Variants in PTPRF observed in about 807,000 individuals in gnomAD.
The protein encoded by PTPRF is protein tyrosine phosphatase receptor type F, also known as receptor-type tyrosine-protein phosphatase F.
In PTPRF, 59 loss-of-function variants were observed where a neutral mutation model predicts 201.8. The ratio of observed to expected loss-of-function variants is 0.29; its 90% CI spans 0.24 to 0.36. The LOEUF (loss-of-function observed/expected upper bound fraction) is 0.36, where lower values mean the gene tolerates loss of function less well. PTPRF is among the 10% of genes least tolerant of loss of function. PTPRF has a pLI of 1.00. For missense variants in PTPRF, 2,132 were observed against 2,690.5 expected, an observed-to-expected ratio of 0.79 and a Z score of 4.59; for synonymous variants, 1,088 against 1,089.7, an observed-to-expected ratio of 1.00 and a Z score of 0.03.
chr1:43,620,730 G>A lies in PTPRF; in HGVS notation c.5365-108G>A, dbSNP rs1659020087. The stretch of plus-strand genomic sequence containing the variant: ...CACATCTCCCCCTGTGGCCTCGGGT[G>A]CAGTGACACAGATGCATGCCTGTAT... On this transcript the variant is annotated intron_variant, in intron 31 of 33. Coordinates refer to ENST00000359947, the MANE Select transcript of PTPRF (RefSeq NM_002840.5). 2.6e-6 allele frequency: 4 copies of A among 1,522,392 alleles called. No individual in the cohort carries two copies. The Admixed American group carries it at 5.5e-5, about 21-fold the overall frequency. The allele number at this position is 1,522,392 out of a possible 1,614,324, so 94.3% of individuals were successfully genotyped here.
chr1:43,619,826 C>T lies in PTPRF; in HGVS notation c.5079C>T (p.Asp1693=). 1 of 1,614,210 alleles carries T rather than the reference C, an allele frequency of 6.2e-7. No homozygotes were observed. Among genetic ancestry groups the T allele is most frequent in the Non-Finnish European group, 8.5e-7 (1 of 1,180,010 alleles). ...LQPIRGVEGS[D]YINASFLDGY... is the part of the protein sequence containing the mutation. The stretch of plus-strand genomic sequence containing the variant: ...CCATCCGTGGTGTGGAGGGCTCTGA[C>T]TACATCAATGCCAGCTTCCTGGATG... The change falls in exon 29 of 34, where the codon GAC becomes GAT. Residue 1693 remains aspartate (D), a synonymous_variant. Transcript: ENST00000359947.
At chr1:43,541,707 C>G (rs540334343) in intron 2 of PTPRF, among the ~76,000 whole-genome samples, 2,259 of 21,850 alleles carry the variant, frequency 0.1, 65 homozygotes, top group African/African-American at 0.27. Flanking sequence ...ACAGTTCTTC[C>G]CAAGAAAGGG....
At chr1:43,566,561 G>A (rs1048296742) in intron 5 of PTPRF, among the ~76,000 whole-genome samples, 1 of 152,220 alleles carries the variant, frequency 6.6e-6, no homozygotes, top group African/African-American at 2.4e-5. Flanking sequence ...GTGCCAGTCT[G>A]GCTGATAGAT....
rs371023769 is a variant in PTPRF at position 43,620,829 on chromosome 1, C to G, written c.5365-9C>G. ...AATTCTAATCATGTACCCCACCCAC[C>G]TTTCCCAGGATGGGCAGTCAAGGAC... On this transcript the variant is annotated splice_polypyrimidine_tract_variant and intron_variant, in intron 31 of 33. Transcript: ENST00000359947. 9 of 1,607,832 alleles carry G rather than the reference C, an allele frequency of 5.6e-6. No homozygotes were observed. Among genetic ancestry groups the G allele is most frequent in the Non-Finnish European group, 5.1e-6 (6 of 1,176,470 alleles).
At chr1:43,574,905 C>T (rs1481478598) in intron 6 of PTPRF, among the ~76,000 whole-genome samples, 4 of 152,234 alleles carry the variant, frequency 2.6e-5, no homozygotes, top group African/African-American at 9.6e-5. Context: ...CTGAATGTCT[C>T]TTGGCCTCTG....
chr1:43,602,054 C>T lies in PTPRF; in HGVS notation c.2314-17C>T, dbSNP rs746623088. The T allele has an allele frequency of 1.7e-5, 28 of 1,611,826 alleles. No homozygotes were observed. The highest frequency in any genetic ancestry group is 2.3e-5 in the Non-Finnish European group (27 of 1,177,848). On this transcript the variant is annotated splice_polypyrimidine_tract_variant and intron_variant, in intron 13 of 33. Coordinates refer to ENST00000359947, the MANE Select transcript of PTPRF (RefSeq NM_002840.5). Reference sequence around the variant, plus strand: ...TTCACCATCCTGTCTCCCTTTCTCTCCCTCTCCCGCGGTCAGTGGCGGCCA... The same window carrying T: ...TTCACCATCCTGTCTCCCTTTCTCTTCCTCTCCCGCGGTCAGTGGCGGCCA...
Position 43,605,177 on chromosome 1 carries a change from C to T in PTPRF, c.3136-13C>T. On this transcript the variant is annotated splice_polypyrimidine_tract_variant and intron_variant, in intron 17 of 33. Transcript: ENST00000359947. ...CACCCAAAGGCATTGATTGCCCCTCCCGTCCCCCACAGATTCTGTACAATG... is the reference window on the plus strand; with the variant it reads ...CACCCAAAGGCATTGATTGCCCCTCTCGTCCCCCACAGATTCTGTACAATG... The T allele has an allele frequency of 6.3e-7, 1 of 1,586,406 alleles. No individual in the cohort carries two copies. The highest frequency in any genetic ancestry group is 8.6e-7 in the Non-Finnish European group (1 of 1,160,644).
rs750934392 is a variant in PTPRF at position 43,598,733 on chromosome 1, T to A, written c.2133T>A (p.Pro711=). The change falls in exon 13 of 34, where the codon CCT becomes CCA. Residue 711 remains proline, a synonymous_variant. Transcript: ENST00000359947. ...CTGACCCCCCAGTGCCCAGCGGGCC[T>A]CCGCGGAAGGTGGAGGTGGAGCCAC... The part of the protein sequence containing the change: ...VRTDEDVPSG[P]PRKVEVEPLN... 1.1e-5 allele frequency: 18 copies of A among 1,613,286 alleles called. No individual in the cohort carries two copies. In the South Asian group the frequency reaches 1.9e-4, roughly 17 times the overall value.
chr1:43,533,768 C>A (rs1011172864), intron 1 of PTPRF, among the ~76,000 whole-genome samples: 1 of 152,180 alleles, frequency 6.6e-6, no homozygotes, highest in African/African-American at 2.4e-5. Flanking sequence ...AGGGCCCTAC[C>A]CTCGAGAAGC....
intron 5 of PTPRF, among the ~76,000 whole-genome samples, chr1:43,563,683 G>A (rs774279985): frequency 1.3e-5 from 2 of 152,204 alleles, no homozygotes; most frequent in Non-Finnish European, 2.9e-5. Flanking sequence ...AGTTAGTTCC[G>A]TGGAGCCATT....
At chr1:43,611,752 C>T (rs750374474) in intron 22 of PTPRF, among the ~76,000 whole-genome samples, 4 of 152,090 alleles carry the variant, frequency 2.6e-5, no homozygotes, top group African/African-American at 9.7e-5. Context: ...ACTTGGGAAA[C>T]GTGAAGGAGG....
intron 6 of PTPRF, among the ~76,000 whole-genome samples, chr1:43,571,397 C>A (rs1646559593): frequency 1.3e-5 from 2 of 152,216 alleles, no homozygotes. Flanking sequence ...TCACCTGCAA[C>A]TCTAGCTTTA....
chr1:43,573,348 T>C (rs1233756290), intron 6 of PTPRF, among the ~76,000 whole-genome samples: 7 of 152,184 alleles, frequency 4.6e-5, no homozygotes, highest in Non-Finnish European at 1.0e-4. Flanking sequence ...ACATATGAGC[T>C]GCCATCCTTT....
intron 6 of PTPRF, 123 bp downstream of exon 6, chr1:43,569,901 G>A: frequency 1.8e-6 from 2 of 1,117,722 alleles, no homozygotes; most frequent in South Asian, 1.9e-5. Context: ...GTACCTGGTG[G>A]GGTGGGCTGG....
chr1:43,545,254 A>G (rs1644588420), intron 3 of PTPRF, 88 bp downstream of exon 3: 6 of 1,365,476 alleles, frequency 4.4e-6, no homozygotes, highest in Middle Eastern at 3.7e-4. Context: ...CAGACCGGCT[A>G]CTAGGAGAGA....
intron 22 of PTPRF, 94 bp downstream of exon 22, chr1:43,609,592 G>C (rs368267400): frequency 1.2e-5 from 10 of 848,106 alleles, no homozygotes; most frequent in East Asian, 5.4e-5. Context: ...TGAAGTTCCT[G>C]GGCCGCATGC....
chr1:43,602,201 A>ACAGG, intron 14 of PTPRF, 104 bp downstream of exon 14: 1 of 1,387,188 alleles, frequency 7.2e-7, no homozygotes, highest in African/African-American at 1.4e-5. Context: ...GCCAAGATCC[A>ACAGG]CAGGGCTCTA....
Position 43,605,601 on chromosome 1 carries a change from C to T in PTPRF, c.3462C>T (p.Pro1154=), listed in dbSNP as rs145265549. ...GSMLTPRWST[P]EELELDELLE... ...TGCTGACGCCAAGGTGGAGCACACC[C>T]GAGGAACTGGAGCTGGACGAGGTAC... The change falls in exon 19 of 34, where the codon CCC becomes CCT. Residue 1154 remains proline (P), a synonymous_variant. Coordinates refer to ENST00000359947, the MANE Select transcript of PTPRF (RefSeq NM_002840.5). The T allele has an allele frequency of 5.1e-5, 82 of 1,613,990 alleles. No individual in the cohort carries two copies. The highest frequency in any genetic ancestry group is 6.6e-5 in the South Asian group (6 of 91,080).
At chr1:43,572,428 C>T (rs1646637829) in intron 6 of PTPRF, among the ~76,000 whole-genome samples, 1 of 152,194 alleles carries the variant, frequency 6.6e-6, no homozygotes, top group African/African-American at 2.4e-5. Flanking sequence ...GTCGTGGGCC[C>T]AGGGTCCAGC....
Sources: allele counts gnomAD v4.1 joint callset (sites outside exome capture counted in the v4.1 genomes callset), GRCh38; gene constraint gnomAD v4.1.1; transcripts MANE v1.5; gene names NCBI Gene and HGNC (gene_info 2026-07-23, HGNC 2026-07-21).